The following POGZ variants were observed in gnomAD, a reference collection of about 807,000 sequenced individuals.
POGZ encodes pogo transposable element derived with ZNF domain.
A neutral mutation model predicts 134.6 loss-of-function variants in POGZ; 17 were observed. That is an observed-to-expected ratio of 0.13 (90% CI 0.09 to 0.19). The LOEUF is 0.19. POGZ is among the 10% of genes least tolerant of loss of function. The pLI, the probability that POGZ is intolerant of heterozygous loss-of-function variation, is 1.00. For missense variants in POGZ, 1,306 were observed against 1,769.7 expected (o/e 0.74, Z 4.70); for synonymous variants, 693 against 657.1 (o/e 1.05, Z -0.84).
intron 10 of POGZ, 109 bp from the exon 11 acceptor site, chr1:151,412,505 G>A: frequency 1.5e-6 from 1 of 649,526 alleles, no homozygotes; most frequent in Non-Finnish European, 2.8e-6. Flanking sequence ...TCAACAATCA[G>A]TAAATCATAG....
At chr1:151,442,233 T>C (rs566380103) in intron 1 of POGZ, 28 bp from the exon 2 acceptor site, 3 of 1,605,046 alleles carry the variant, frequency 1.9e-6, no homozygotes, top group African/African-American at 2.7e-5. Context: ...AAATAAGATA[T>C]GGGCCTAAGA....
chr1:151,413,806 A>G (rs1655148904), intron 10 of POGZ, among the ~76,000 whole-genome samples: 1 of 152,078 alleles, frequency 6.6e-6, no homozygotes, highest in African/African-American at 2.4e-5. Context: ...CAGCCTCCCA[A>G]AGTACCAGAA....
intron 1 of POGZ, chr1:151,454,942 T>C (rs1203351728): frequency 6.6e-6 from 1 of 152,064 alleles, no homozygotes; most frequent in African/African-American, 2.4e-5. Context: ...ACCCCATCTC[T>C]AGAAAAATAC....
intron 1 of POGZ, among the ~76,000 whole-genome samples, chr1:151,447,204 G>A (rs1224683088): frequency 1.3e-5 from 2 of 151,842 alleles, no homozygotes; most frequent in Non-Finnish European, 2.9e-5. Context: ...TGGCCAACAC[G>A]GTGAAACCCT....
intron 1 of POGZ, among the ~76,000 whole-genome samples, chr1:151,446,606 A>T (rs1267975061): frequency 6.6e-6 from 1 of 151,980 alleles, no homozygotes; most frequent in East Asian, 1.9e-4. Flanking sequence ...AAATACAAAA[A>T]TTAGCCAGGT....
At chr1:151,452,997 A>G (rs1042797546) in intron 1 of POGZ, among the ~76,000 whole-genome samples, 3 of 151,450 alleles carry the variant, frequency 2.0e-5, no homozygotes, top group Non-Finnish European at 2.9e-5. Flanking sequence ...ATCTTGGCTC[A>G]CTGCAACCTC....
chr1:151,416,868 G>C (rs1176541627), intron 10 of POGZ, among the ~76,000 whole-genome samples: 1 of 152,062 alleles, frequency 6.6e-6, no homozygotes, highest in Non-Finnish European at 1.5e-5. Context: ...CTGGGCTCAA[G>C]CAATCCTCAC....
At chr1:151,443,553 A>C (rs1053518909) in intron 1 of POGZ, among the ~76,000 whole-genome samples, 3 of 152,056 alleles carry the variant, frequency 2.0e-5, no homozygotes, top group African/African-American at 7.2e-5. Context: ...CATCTCTACT[A>C]AAAACATAAA....
At position 151,408,092 on chromosome 1, in the gene POGZ, C is replaced by T. The variant is rs775733889; in HGVS notation, c.2375+8G>A. 9 of 1,598,964 alleles carry T rather than the reference C, an allele frequency of 5.6e-6. No individual in the cohort carries two copies. The highest frequency in any genetic ancestry group is 7.7e-6 in the Non-Finnish European group (9 of 1,173,750). Reference sequence around the variant, plus strand: ...TCAAGCTAAAACACTGGTTAAAAACCAACTTACTTGATCATGTGGTTGGCA... The same window carrying T: ...TCAAGCTAAAACACTGGTTAAAAACTAACTTACTTGATCATGTGGTTGGCA... On this transcript the variant is annotated splice_region_variant and intron_variant, in intron 15 of 18. Coordinates refer to ENST00000271715, the MANE Select transcript of POGZ (RefSeq NM_015100.4).
intron 10 of POGZ, among the ~76,000 whole-genome samples, chr1:151,422,344 G>C (rs1458568618): frequency 6.6e-6 from 1 of 151,658 alleles, no homozygotes; most frequent in Non-Finnish European, 1.5e-5. Flanking sequence ...CATAATTTTT[G>C]TCTTTACAAC....
chr1:151,421,668 T>TGTTG (rs1656938430), intron 10 of POGZ, among the ~76,000 whole-genome samples: 1 of 152,260 alleles, frequency 6.6e-6, no homozygotes, highest in Non-Finnish European at 1.5e-5. Context: ...ACAAGAGAAT[T>TGTTG]GTTGAAAACC....
intron 10 of POGZ, among the ~76,000 whole-genome samples, chr1:151,421,738 A>G (rs963926947): frequency 6.6e-6 from 1 of 152,160 alleles, no homozygotes; most frequent in African/African-American, 2.4e-5. Flanking sequence ...GTTAAATGAT[A>G]TAACAGATAT....
chr1:151,447,465 C>G (rs893643095), intron 1 of POGZ, among the ~76,000 whole-genome samples: 6 of 151,636 alleles, frequency 4.0e-5, no homozygotes, highest in Non-Finnish European at 5.9e-5. Context: ...TCTTTTTTCT[C>G]TTCTTTTTTT....
At chr1:151,436,773 T>A (rs1205899501) in intron 3 of POGZ, among the ~76,000 whole-genome samples, 7 of 152,260 alleles carry the variant, frequency 4.6e-5, no homozygotes, top group Non-Finnish European at 1.5e-5. Context: ...TTGTTTTTAC[T>A]TTTAGCTATA....
chr1:151,452,520 G>GATTGGC (rs1355606846), intron 1 of POGZ, among the ~76,000 whole-genome samples: 1 of 151,934 alleles, frequency 6.6e-6, no homozygotes, highest in Non-Finnish European at 1.5e-5. Context: ...TTTTCTTATA[G>GATTGGC]ATACTAGTAT....
intron 1 of POGZ, among the ~76,000 whole-genome samples, chr1:151,443,882 G>A (rs1007411123): frequency 9.2e-5 from 14 of 152,174 alleles, no homozygotes; most frequent in African/African-American, 3.4e-4. Context: ...AGCCTTTACT[G>A]TAAGGCTCTA....
At chr1:151,456,721 G>A (rs996454913) in intron 1 of POGZ, among the ~76,000 whole-genome samples, 1 of 152,184 alleles carries the variant, frequency 6.6e-6, no homozygotes, top group Non-Finnish European at 1.5e-5. Context: ...GGGACGCCGA[G>A]GCAGGTGGAT....
chr1:151,407,091 G>A, intron 16 of POGZ, 68 bp from the exon 17 acceptor site: 2 of 1,345,086 alleles, frequency 1.5e-6, no homozygotes, highest in Non-Finnish European at 2.1e-6. Flanking sequence ...TAAGCTTTGA[G>A]GCTTAAGAAA....
At chr1:151,440,401 A>C (rs1660340341) in intron 3 of POGZ, among the ~76,000 whole-genome samples, 1 of 152,274 alleles carries the variant, frequency 6.6e-6, no homozygotes, top group East Asian at 1.9e-4. Flanking sequence ...TAGAAATTAA[A>C]TAGAAACCAA....
Sources: gnomAD v4.1 joint callset for allele counts (sites outside exome capture counted in the v4.1 genomes callset) on GRCh38, gnomAD v4.1.1 for gene constraint, MANE v1.5 for transcripts, NCBI Gene and HGNC (gene_info 2026-07-23, HGNC 2026-07-21) for gene names.